The following MECOM variants were observed in gnomAD, a reference collection of about 807,000 sequenced individuals.
MECOM encodes the protein histone-lysine N-methyltransferase MECOM.
Under a neutral mutation model 116.3 loss-of-function variants are expected in MECOM, and 13 were observed. That is an observed-to-expected ratio of 0.11 (90% confidence interval 0.07 to 0.18). The LOEUF is 0.18. Among genes scored for constraint, MECOM ranks in the 10% least tolerant of loss-of-function variants. MECOM has a pLI of 1.00. For missense variants in MECOM, 1,299 were observed against 1,509.0 expected (o/e 0.86, Z 2.31); for synonymous variants, 528 against 535.2 (o/e 0.99, Z 0.19).
chr3:169,368,588 A>G (rs934556037), intron 2 of MECOM, among the ~76,000 whole-genome samples: 3 of 152,002 alleles, frequency 2.0e-5, no homozygotes, highest in African/African-American at 7.2e-5. Context: ...ACCAACTCCT[A>G]TCCTTCTAAG....
chr3:169,583,441 T>G (rs1419436103), intron 1 of MECOM, among the ~76,000 whole-genome samples: 1 of 152,068 alleles, frequency 6.6e-6, no homozygotes, highest in Non-Finnish European at 1.5e-5. Flanking sequence ...GTGAAACATG[T>G]TGTCCTCTCT....
intron 1 of MECOM, among the ~76,000 whole-genome samples, chr3:169,652,733 G>T (rs764551592): frequency 4.6e-5 from 7 of 152,102 alleles, no homozygotes; most frequent in Non-Finnish European, 5.9e-5. Flanking sequence ...ACCTTAAATT[G>T]TTTGAAAGAA....
chr3:169,599,243 C>T (rs756597794), intron 1 of MECOM, among the ~76,000 whole-genome samples: 1 of 152,274 alleles, frequency 6.6e-6, no homozygotes, highest in African/African-American at 2.4e-5. Flanking sequence ...AGGCCGGGCA[C>T]GGTGGCTCAT....
chr3:169,322,216 C>A (rs903158287), intron 2 of MECOM, among the ~76,000 whole-genome samples: 2 of 152,206 alleles, frequency 1.3e-5, no homozygotes, highest in African/African-American at 4.8e-5. Context: ...TATTTCTAAC[C>A]CCACGATGTT....
chr3:169,286,443 C>A (rs945380868), intron 2 of MECOM, among the ~76,000 whole-genome samples: 2 of 152,172 alleles, frequency 1.3e-5, no homozygotes, highest in African/African-American at 4.8e-5. Context: ...AGAATACCTT[C>A]CCTTCTTGTA....
chr3:169,133,952 T>A, intron 3 of MECOM: 1 of 1,289,606 alleles, frequency 7.8e-7, no homozygotes, highest in Non-Finnish European at 1.0e-6. Flanking sequence ...CTTATTAGCT[T>A]CCTTTCCAAC....
intron 2 of MECOM, among the ~76,000 whole-genome samples, chr3:169,361,675 G>A (rs1292688436): frequency 4.6e-5 from 7 of 151,712 alleles, no homozygotes; most frequent in South Asian, 4.2e-4. Context: ...CTTGCTTAAG[G>A]TCACAAAGCT....
chr3:169,366,817 C>A (rs917469634), intron 2 of MECOM, among the ~76,000 whole-genome samples: 4 of 152,064 alleles, frequency 2.6e-5, no homozygotes, highest in Non-Finnish European at 4.4e-5. Flanking sequence ...AGGAAAACAA[C>A]ACTCTCAGCC....
intron 2 of MECOM, among the ~76,000 whole-genome samples, chr3:169,155,440 G>A (rs73167987): frequency 0.012 from 1,832 of 152,042 alleles, 17 homozygotes; most frequent in Non-Finnish European, 0.019. Context: ...GTTTCTACAG[G>A]GTGCTCATTT....
At chr3:169,291,974 G>A (rs959217005) in intron 2 of MECOM, among the ~76,000 whole-genome samples, 1 of 152,138 alleles carries the variant, frequency 6.6e-6, no homozygotes, top group African/African-American at 2.4e-5. Context: ...AAAATTTATT[G>A]TCTACCATTT....
At chr3:169,100,022 C>T (rs145336723) in intron 12 of MECOM, among the ~76,000 whole-genome samples, 1 of 151,370 alleles carries the variant, frequency 6.6e-6, no homozygotes, top group African/African-American at 2.4e-5. Context: ...TCTGTCCTAC[C>T]TCTAGTTTCA....
At chr3:169,291,000 A>G (rs1341120965) in intron 2 of MECOM, among the ~76,000 whole-genome samples, 1 of 152,172 alleles carries the variant, frequency 6.6e-6, no homozygotes, top group African/African-American at 2.4e-5. Context: ...TTCAACAGTT[A>G]CCAGCCACCT....
At chr3:169,177,881 T>G (rs961344159) in intron 2 of MECOM, among the ~76,000 whole-genome samples, 1 of 150,070 alleles carries the variant, frequency 6.7e-6, no homozygotes, top group Non-Finnish European at 1.5e-5. Flanking sequence ...TCCCAGCCAC[T>G]GCACTCCAGC....
intron 2 of MECOM, chr3:169,145,922 T>G (rs1024446942): frequency 4.6e-6 from 1 of 216,604 alleles, no homozygotes; most frequent in South Asian, 1.8e-4. Context: ...ACATTCTTCC[T>G]CTCAATATTC....
intron 2 of MECOM, among the ~76,000 whole-genome samples, chr3:169,308,918 A>G (rs1482213308): frequency 1.3e-5 from 2 of 152,196 alleles, no homozygotes; most frequent in African/African-American, 2.4e-5. Context: ...TATCAAAAGG[A>G]AGTATTAATC....
intron 2 of MECOM, among the ~76,000 whole-genome samples, chr3:169,156,904 T>C (rs1742081018): frequency 6.6e-6 from 1 of 152,220 alleles, no homozygotes; most frequent in Non-Finnish European, 1.5e-5. Flanking sequence ...CAGTTTTTGA[T>C]ATTAGATTCA....
In MECOM at chr3:169,256,357, C is replaced by T. The variant is rs77388064; in HGVS notation, c.376-112525G>A. On this transcript the variant is annotated intron_variant, in intron 2 of 16. Coordinates refer to ENST00000651503, the MANE Select transcript of MECOM (RefSeq NM_004991.4). ...AATTCAAACAAGAAAAAAAAAAAAA[C>T]AGTCTGCCTTAATGGCCCTGCCCTC... 8.4e-3 allele frequency among the ~76,000 whole-genome samples: 1,226 copies of T among 146,512 alleles called. 12 individuals carry two copies. Among genetic ancestry groups the T allele is most frequent in the African/African-American group, 0.029 (1,154 of 39,624 alleles).
intron 1 of MECOM, among the ~76,000 whole-genome samples, chr3:169,529,886 T>C (rs1758389846): frequency 6.6e-6 from 1 of 152,182 alleles, no homozygotes; most frequent in Non-Finnish European, 1.5e-5. Context: ...AGACACTGTG[T>C]TGGGCACTGG....
At chr3:169,344,014 T>C (rs1311867436) in intron 2 of MECOM, among the ~76,000 whole-genome samples, 2 of 152,124 alleles carry the variant, frequency 1.3e-5, no homozygotes, top group African/African-American at 4.8e-5. Context: ...GTTCTTAAAA[T>C]TGTTGGAAAT....
Sources: allele counts gnomAD v4.1 joint callset (sites outside exome capture counted in the v4.1 genomes callset), GRCh38; gene constraint gnomAD v4.1.1; transcripts MANE v1.5; gene names NCBI Gene and HGNC (gene_info 2026-07-23, HGNC 2026-07-21).